DYNC2H1: variants seen among roughly 807,000 people sequenced by gnomAD.
DYNC2H1 encodes dynein cytoplasmic 2 heavy chain 1, also known as cytoplasmic dynein 2 heavy chain 1.
Under a neutral mutation model 570.0 loss-of-function variants are expected in DYNC2H1, and 410 were observed. That is an observed-to-expected ratio of 0.72 (90% CI 0.66 to 0.78). The LOEUF is 0.78. Among genes scored for constraint, DYNC2H1 ranks in the 30% least tolerant of loss-of-function variants. DYNC2H1 has a pLI of 0.00. For missense variants in DYNC2H1, 4,865 were observed against 5,046.4 expected (o/e 0.96, Z 1.09); for synonymous variants, 1,688 against 1,677.6 (o/e 1.01, Z -0.15).
intron 12 of DYNC2H1, among the ~76,000 whole-genome samples, chr11:103,128,671 G>A (rs1003802640): frequency 3.9e-5 from 6 of 152,128 alleles, no homozygotes; most frequent in Non-Finnish European, 7.4e-5. Flanking sequence ...TCCGGACAAC[G>A]TTTTCTAGTC....
chr11:103,255,572 A>AC, intron 67 of DYNC2H1, 38 bp downstream of exon 67: 1 of 1,497,134 alleles, frequency 6.7e-7, no homozygotes, highest in South Asian at 1.3e-5. Flanking sequence ...TTTTCGTATT[A>AC]CTTTTTTTTT....
chr11:103,417,990 T>TAAA (rs58195879), intron 84 of DYNC2H1, among the ~76,000 whole-genome samples: 1 of 135,656 alleles, frequency 7.4e-6, no homozygotes, highest in African/African-American at 2.7e-5. Flanking sequence ...TAGTCGTGAT[T>TAAA]AAAAAAAAAA....
chr11:103,334,028 G>A lies in DYNC2H1; in HGVS notation c.12039+10038G>A, dbSNP rs1180715688. Among the ~76,000 whole-genome samples, 3 of 152,022 alleles carry A rather than the reference G, an allele frequency of 2.0e-5. No individual in the cohort carries two copies. Among genetic ancestry groups the A allele is most frequent in the African/African-American group, 4.8e-5 (2 of 41,388 alleles). The stretch of plus-strand genomic sequence containing the variant: ...GATTCAGTGATGGCACATTCTCTAG[G>A]CTAAGAACACTTGCAGCATGTTGCC... On this transcript the variant is annotated intron_variant, in intron 82 of 88. Transcript: ENST00000375735. The surrounding 1 kb of genome is among the most constrained non-coding windows in gnomAD (Gnocchi z 4.3).
chr11:103,441,184 C>G (rs536602771), intron 85 of DYNC2H1, among the ~76,000 whole-genome samples: 3 of 152,196 alleles, frequency 2.0e-5, no homozygotes, highest in Middle Eastern at 3.4e-3. Flanking sequence ...TTTCAGTGAA[C>G]AAACCCAGCT....
At chr11:103,278,164 T>C (rs114713978) in intron 70 of DYNC2H1, among the ~76,000 whole-genome samples, 57 of 152,288 alleles carry the variant, frequency 3.7e-4, no homozygotes, top group African/African-American at 1.3e-3. Context: ...GTCTTTCATC[T>C]TCCATTTTGC....
chr11:103,272,660 C>A (rs983211259), intron 70 of DYNC2H1, among the ~76,000 whole-genome samples: 1 of 152,076 alleles, frequency 6.6e-6, no homozygotes, highest in Non-Finnish European at 1.5e-5. Context: ...GCAGTTGAAA[C>A]AAACCACTAT....
chr11:103,240,822 A>G (rs1214182801), intron 63 of DYNC2H1, among the ~76,000 whole-genome samples: 2 of 152,136 alleles, frequency 1.3e-5, no homozygotes, highest in African/African-American at 2.4e-5. Flanking sequence ...GTGATTTCCC[A>G]TTGTCTGCAG....
At chr11:103,361,404 T>A (rs1458849668) in intron 83 of DYNC2H1, among the ~76,000 whole-genome samples, 1 of 152,234 alleles carries the variant, frequency 6.6e-6, no homozygotes, top group Admixed American at 6.5e-5. Context: ...CTTCTCATAC[T>A]CCAGAACTGT....
At chr11:103,259,203 G>A (rs112670344) in intron 69 of DYNC2H1, among the ~76,000 whole-genome samples, 29 of 152,150 alleles carry the variant, frequency 1.9e-4, no homozygotes, top group African/African-American at 7.0e-4. Flanking sequence ...CCTAAGACAT[G>A]TATTCTCCAA....
intron 76 of DYNC2H1, among the ~76,000 whole-genome samples, chr11:103,303,618 C>T (rs1167105222): frequency 4.6e-5 from 7 of 151,822 alleles, no homozygotes; most frequent in Non-Finnish European, 8.8e-5. Context: ...GATGGAGGAA[C>T]GGGCCATAAG....
At chr11:103,452,452 TG>T (rs1462534372) in intron 85 of DYNC2H1, among the ~76,000 whole-genome samples, 3 of 152,050 alleles carry the variant, frequency 2.0e-5, no homozygotes, top group Non-Finnish European at 1.5e-5. Flanking sequence ...TATGTTTAAC[TG>T]ATTTCATTGC....
chr11:103,445,941 C>T (rs370469163), intron 85 of DYNC2H1, among the ~76,000 whole-genome samples: 2 of 152,116 alleles, frequency 1.3e-5, no homozygotes, highest in South Asian at 2.1e-4. Flanking sequence ...TGTGAGCCAC[C>T]GTGCGCGGCC....
chr11:103,158,448 C>CA (rs1860932514), intron 26 of DYNC2H1, among the ~76,000 whole-genome samples: 1 of 151,062 alleles, frequency 6.6e-6, no homozygotes, highest in Admixed American at 6.6e-5. Flanking sequence ...GACTCCATCT[C>CA]AAAAAATAAA....
At chr11:103,394,758 C>T (rs1029384197) in intron 83 of DYNC2H1, among the ~76,000 whole-genome samples, 1 of 151,980 alleles carries the variant, frequency 6.6e-6, no homozygotes, top group Admixed American at 6.6e-5. Flanking sequence ...GATGTGGATA[C>T]CCTGTGCTAT....
At chr11:103,418,362 G>A (rs1017367688) in intron 84 of DYNC2H1, among the ~76,000 whole-genome samples, 3 of 152,152 alleles carry the variant, frequency 2.0e-5, no homozygotes, top group Non-Finnish European at 4.4e-5. Flanking sequence ...AAACTTAATT[G>A]TAGCTCTATA....
At chr11:103,285,085 G>A (rs1565462616) in intron 73 of DYNC2H1, among the ~76,000 whole-genome samples, 1 of 152,176 alleles carries the variant, frequency 6.6e-6, no homozygotes, top group Non-Finnish European at 1.5e-5. Flanking sequence ...ATAGGGTTTA[G>A]AAAAACATTC....
chr11:103,277,100 T>C lies in DYNC2H1; in HGVS notation c.10696-3248T>C, dbSNP rs1865940487. ...CTCTTTGTAATAGCCAAATAATGTA[T>C]ACATATAAATAAAGAAAAAAAAGTC... On this transcript the variant is annotated intron_variant, in intron 70 of 88. Transcript: ENST00000375735. The surrounding 1 kb of genome is among the most constrained non-coding windows in gnomAD (Gnocchi z 4.3). 6.6e-6 allele frequency among the ~76,000 whole-genome samples: 1 copy of C among 152,094 alleles called. No homozygotes were observed. Among genetic ancestry groups the C allele is most frequent in the African/African-American group, 2.4e-5 (1 of 41,438 alleles).
At chr11:103,231,208 A>G in intron 59 of DYNC2H1, 52 bp from the exon 60 acceptor site, 1 of 1,135,446 alleles carries the variant, frequency 8.8e-7, no homozygotes, top group Non-Finnish European at 1.3e-6. Context: ...CTGCTGCTTT[A>G]TAGTTGATAT....
chr11:103,247,831 G>T (rs532259873), intron 65 of DYNC2H1, among the ~76,000 whole-genome samples: 2 of 151,992 alleles, frequency 1.3e-5, no homozygotes, highest in African/African-American at 4.8e-5. Context: ...GTGGTTAGTT[G>T]ATGGGTATAG....
Sources: allele counts gnomAD v4.1 joint callset (sites outside exome capture counted in the v4.1 genomes callset), GRCh38; gene constraint gnomAD v4.1.1; non-coding constraint Gnocchi (gnomAD v3.1); transcripts MANE v1.5; gene names NCBI Gene and HGNC (gene_info 2026-07-23, HGNC 2026-07-21).